STRIP2: variants seen among roughly 807,000 people sequenced by gnomAD.
STRIP2 encodes the protein striatin interacting protein 2.
Under a neutral mutation model 107.1 loss-of-function variants are expected in STRIP2, and 84 were observed. The ratio of observed to expected loss-of-function variants is 0.78; its 90% CI spans 0.66 to 0.94. The LOEUF (loss-of-function observed/expected upper bound fraction) is 0.94, where lower values mean the gene tolerates loss of function less well. Ranked by LOEUF, STRIP2 falls within the 40% of genes least tolerant of loss-of-function variation. The pLI is 0.00. For missense variants in STRIP2, 888 were observed against 1,034.2 expected (o/e 0.86, Z 1.94); for synonymous variants, 394 against 400.4 (o/e 0.98, Z 0.19).
At chr7:129,485,064 G>A (rs913316743) in intron 20 of STRIP2, among the ~76,000 whole-genome samples, 2 of 152,108 alleles carry the variant, frequency 1.3e-5, no homozygotes, top group South Asian at 2.1e-4. Flanking sequence ...GAAAATCTTC[G>A]GTAATTGGTC....
In STRIP2 at chr7:129,458,755, T is replaced by A. The variant is rs751312925; in HGVS notation, c.1318T>A (p.Phe440Ile). Residue 440 changes from phenylalanine to isoleucine, a missense_variant, in exon 11 of 21, where the codon TTC (phenylalanine) becomes ATC (isoleucine). Transcript: ENST00000249344. The surrounding 1 kb of genome is among the most constrained non-coding windows in gnomAD (Gnocchi z 4.6). ...CTTCTTGGAGATGAGCAGGAACAAG[T>A]TCATCGGATTCACCCTGGGGCAGTA... ...EHFLEMSRNK[F>I]IGFTLGQDTD... is the part of the protein sequence containing the mutation. 75 of 1,614,052 alleles carry A rather than the reference T, an allele frequency of 4.6e-5. No homozygotes were observed. The highest frequency in any genetic ancestry group is 6.1e-5 in the Non-Finnish European group (72 of 1,180,036).
intron 13 of STRIP2, among the ~76,000 whole-genome samples, chr7:129,462,585 C>T (rs548235753): frequency 2.6e-5 from 4 of 152,308 alleles, no homozygotes; most frequent in East Asian, 1.9e-4. Context: ...CCTGTTTCTC[C>T]AGTCCATAGG....
intron 19 of STRIP2, among the ~76,000 whole-genome samples, chr7:129,482,595 C>G (rs1039624791): frequency 3.3e-5 from 5 of 151,844 alleles, no homozygotes; most frequent in Admixed American, 3.3e-4. Context: ...CCAGGGTGGT[C>G]TCAAACTCCT....
intron 6 of STRIP2, 80 bp from the exon 7 acceptor site, chr7:129,454,341 C>T: frequency 6.8e-7 from 1 of 1,462,808 alleles, no homozygotes; most frequent in Admixed American, 1.7e-5. Context: ...TTGGGCTTCC[C>T]ACAGAGACCA....
chr7:129,467,551 CTCCTG>C, intron 17 of STRIP2, 101 bp downstream of exon 17: 1 of 737,684 alleles, frequency 1.4e-6, no homozygotes, highest in Non-Finnish European at 2.2e-6. Flanking sequence ...TCCCTAGTCC[CTCCTG>C]TCTTAGAGCT....
At position 129,458,206 on chromosome 7, in the gene STRIP2, C is replaced by T. The variant is rs376099161; in HGVS notation, c.1039-9C>T. On this transcript the variant is annotated splice_polypyrimidine_tract_variant and intron_variant, in intron 9 of 20. Transcript: ENST00000249344. This position sits in a 1 kb window ranked among gnomAD's most constrained non-coding sequence, Gnocchi z 4.6. ...TCTGCATGCCTACCCTCCCTTCTTTCCCCTCCAGCAACTCCTCACTAAGCA... is the reference window on the plus strand; with the variant it reads ...TCTGCATGCCTACCCTCCCTTCTTTTCCCTCCAGCAACTCCTCACTAAGCA... 1.3e-5 allele frequency: 21 copies of T among 1,610,920 alleles called. No individual in the cohort carries two copies. The African/African-American group carries it at 2.7e-4, about 20-fold the overall frequency.
At chr7:129,443,201 G>A (rs1797948186) in intron 2 of STRIP2, among the ~76,000 whole-genome samples, 1 of 151,914 alleles carries the variant, frequency 6.6e-6, no homozygotes, top group Non-Finnish European at 1.5e-5. Flanking sequence ...CACTACACCT[G>A]GCTAATGTTT....
chr7:129,454,360 G>A (rs1187184958), intron 6 of STRIP2, 61 bp from the exon 7 acceptor site: 1 of 1,483,510 alleles, frequency 6.7e-7, no homozygotes, highest in South Asian at 1.1e-5. Flanking sequence ...CATCTCTGAG[G>A]TCTGTGACTA....
chr7:129,464,067 G>A lies in STRIP2; in HGVS notation c.1575G>A (p.Leu525=). ...QYMIALLKIL[L]AAAPTSKAKT... Reference sequence around the variant, plus strand: ...AGATCGCTCTGCTTAAGATTCTGCTGGCTGCAGCTCCCACCTCTAAGGCTA... The same window carrying A: ...AGATCGCTCTGCTTAAGATTCTGCTAGCTGCAGCTCCCACCTCTAAGGCTA... The change falls in exon 15 of 21, where the codon CTG becomes CTA. Residue 525 remains leucine, a synonymous_variant. Transcript: ENST00000249344. 1 of 1,613,520 alleles carries A rather than the reference G, an allele frequency of 6.2e-7. No individual in the cohort carries two copies. Among genetic ancestry groups the A allele is most frequent in the Non-Finnish European group, 8.5e-7 (1 of 1,179,970 alleles).
chr7:129,445,971 C>T (rs1189782407), intron 3 of STRIP2, among the ~76,000 whole-genome samples: 1 of 152,184 alleles, frequency 6.6e-6, no homozygotes, highest in African/African-American at 2.4e-5. Flanking sequence ...ATACAATCAA[C>T]CTGCCACCAG....
chr7:129,482,753 G>A, intron 19 of STRIP2, 89 bp from the exon 20 acceptor site: 1 of 1,477,664 alleles, frequency 6.8e-7, no homozygotes, highest in Non-Finnish European at 9.3e-7. Flanking sequence ...AGGAATTTCT[G>A]AGGCTAGCTA....
chr7:129,481,269 C>A (rs747857377), intron 19 of STRIP2, among the ~76,000 whole-genome samples: 1 of 152,018 alleles, frequency 6.6e-6, no homozygotes, highest in Non-Finnish European at 1.5e-5. Context: ...GAAGCCGAGG[C>A]GGGCAGATAA....
chr7:129,458,185 C>T lies in STRIP2; in HGVS notation c.1039-30C>T. On this transcript the variant is annotated intron_variant, in intron 9 of 20. Coordinates refer to ENST00000249344, the MANE Select transcript of STRIP2 (RefSeq NM_020704.3). This position sits in a 1 kb window ranked among gnomAD's most constrained non-coding sequence, Gnocchi z 4.6. ...AAGGATGCCCAGAGTGAGATCTCTG[C>T]ATGCCTACCCTCCCTTCTTTCCCCT... 6.4e-7 allele frequency: 1 copy of T among 1,574,776 alleles called. No individual in the cohort carries two copies. The highest frequency in any genetic ancestry group is 8.7e-7 in the Non-Finnish European group (1 of 1,145,552).
intron 13 of STRIP2, among the ~76,000 whole-genome samples, chr7:129,462,097 C>T (rs1798553447): frequency 6.6e-6 from 1 of 152,128 alleles, no homozygotes; most frequent in Non-Finnish European, 1.5e-5. Context: ...GAGGCAGGGT[C>T]AGCAACTGTT....
intron 18 of STRIP2, among the ~76,000 whole-genome samples, chr7:129,475,830 A>G (rs1798910076): frequency 6.6e-6 from 1 of 152,258 alleles, no homozygotes; most frequent in East Asian, 1.9e-4. Flanking sequence ...CCCTTAATCC[A>G]TTTAACCCTG....
In STRIP2 at chr7:129,446,972, T is replaced by C. The variant is rs143862516; in HGVS notation, c.274+2874T>C. Among the ~76,000 whole-genome samples, 544 of 152,274 alleles carry C rather than the reference T, an allele frequency of 3.6e-3. 4 individuals are homozygous for C. The highest frequency in any genetic ancestry group is 0.012 in the African/African-American group (503 of 41,556). On this transcript the variant is annotated intron_variant, in intron 3 of 20. Coordinates refer to ENST00000249344, the MANE Select transcript of STRIP2 (RefSeq NM_020704.3). ...GACCAGTAACAGGCCAAGAGCTGTC[T>C]CTCAAAAGTAAAGTAGTTATCTGCA...
intron 17 of STRIP2, among the ~76,000 whole-genome samples, chr7:129,469,456 C>A (rs1379874025): frequency 1.3e-5 from 2 of 152,152 alleles, no homozygotes; most frequent in Non-Finnish European, 2.9e-5. Context: ...CTTTGATTTC[C>A]CACCCCCATT....
Position 129,464,140 on chromosome 7 carries a change from C to A in STRIP2, c.1648C>A (p.Pro550Thr), listed in dbSNP as rs773998222. The change falls in exon 15 of 21, where the codon CCC becomes ACC. Residue 550 changes from proline to threonine, a missense_variant and splice_region_variant. Transcript: ENST00000249344. ...GGCAGATGTCCTACCTGAGGAGATG[C>A]CGTGAGTGCTTCAACGGGGGCAGCT... ...ILADVLPEEM[P>T]ITVLQSMKLG... 1.7e-5 allele frequency: 27 copies of A among 1,609,518 alleles called. No individual in the cohort carries two copies. The highest frequency in any genetic ancestry group is 2.0e-5 in the Non-Finnish European group (24 of 1,178,536).
Position 129,460,204 on chromosome 7 carries a change from CA to C in STRIP2, c.1405-96del, listed in dbSNP as rs113720057. 1.5e-3 allele frequency: 1,598 copies of C among 1,090,338 alleles called. 15 individuals are homozygous for C. The African/African-American group carries it at 0.023, about 16-fold the overall frequency. The allele number at this position is 1,090,338 out of a possible 1,614,324, so 67.5% of individuals were successfully genotyped here. On this transcript the variant is annotated intron_variant, in intron 12 of 20. Transcript: ENST00000249344. ...CTATGTGGGGTAACAAACCCATAAG[CA>C]GAACATTTCCTTGCTTTTGGGGAAT...
Sources: gnomAD v4.1 joint callset for allele counts (sites outside exome capture counted in the v4.1 genomes callset) on GRCh38, gnomAD v4.1.1 for gene constraint, Gnocchi (gnomAD v3.1) non-coding constraint, MANE v1.5 for transcripts, NCBI Gene and HGNC (gene_info 2026-07-23, HGNC 2026-07-21) for gene names.